NELL2: variants seen among roughly 807,000 people sequenced by gnomAD.
The protein encoded by NELL2 is neural EGFL like 2.
A neutral mutation model predicts 109.6 loss-of-function variants in NELL2; 41 were observed. That is an observed-to-expected ratio of 0.37 (90% CI 0.29 to 0.49). The LOEUF is 0.49. Ranked by LOEUF, NELL2 falls within the 20% of genes least tolerant of loss-of-function variation. The pLI is 0.98. For synonymous variants in NELL2, 355 were observed against 344.7 expected, an observed-to-expected ratio of 1.03 and a Z score of -0.33; for missense variants, 900 against 1,008.3, an observed-to-expected ratio of 0.89 and a Z score of 1.45.
chr12:44,776,225 T>G, intron 7 of NELL2, 75 bp from the exon 8 acceptor site: 1 of 1,500,014 alleles, frequency 6.7e-7, no homozygotes, highest in East Asian at 2.4e-5. Flanking sequence ...TCCGCAGGTA[T>G]CTTTTTTTTA....
intron 13 of NELL2, among the ~76,000 whole-genome samples, chr12:44,648,465 T>A (rs1218104235): frequency 6.6e-6 from 1 of 151,916 alleles, no homozygotes; most frequent in African/African-American, 2.4e-5. Flanking sequence ...TAAAAAGACA[T>A]GAAACTAGAA....
chr12:44,701,107 TA>T (rs1175408893), intron 12 of NELL2, among the ~76,000 whole-genome samples: 1 of 152,124 alleles, frequency 6.6e-6, no homozygotes, highest in African/African-American at 2.4e-5. Flanking sequence ...TAAAAATGTT[TA>T]AAAAGGTGTT....
chr12:44,690,416 A>C lies in NELL2; in HGVS notation c.1318+13310T>G, dbSNP rs527288166. On this transcript the variant is annotated intron_variant, in intron 12 of 19. Coordinates refer to ENST00000429094, the MANE Select transcript of NELL2 (RefSeq NM_001145108.2). ...GAAATCACCTGGAGATCTTGTTAAC[A>C]TGCAGGTTCTGATTCAGAAGGACTG... 2.0e-5 allele frequency among the ~76,000 whole-genome samples: 3 copies of C among 152,294 alleles called. No individual in the cohort carries two copies. In the South Asian group the frequency reaches 6.2e-4, roughly 32 times the overall value.
chr12:44,582,013 AT>A (rs931980756), intron 15 of NELL2, among the ~76,000 whole-genome samples: 1 of 152,222 alleles, frequency 6.6e-6, no homozygotes, highest in African/African-American at 2.4e-5. Flanking sequence ...TTACAATTGT[AT>A]TCTTTAACTT....
intron 13 of NELL2, among the ~76,000 whole-genome samples, chr12:44,652,891 C>T (rs958784133): frequency 2.0e-5 from 3 of 152,148 alleles, no homozygotes; most frequent in African/African-American, 7.2e-5. Context: ...GCTCATGACT[C>T]CTTATCTATT....
intron 2 of NELL2, among the ~76,000 whole-genome samples, chr12:44,869,559 AG>A (rs914465611): frequency 2.0e-5 from 3 of 152,150 alleles, no homozygotes; most frequent in African/African-American, 7.2e-5. Context: ...AGAACCTTGT[AG>A]ATCTCCCATG....
rs917638996 is a variant in NELL2, at chr12:44,738,213, A to T, written c.995-23472T>A. Among the ~76,000 whole-genome samples the T allele has an allele frequency of 2.0e-5, 3 of 152,288 alleles. No homozygotes were observed. In the East Asian group the frequency reaches 5.8e-4, roughly 29 times the overall value. On this transcript the variant is annotated intron_variant, in intron 9 of 19. Transcript: ENST00000429094. ...AACTATATTATTGTGTTCATATCTC[A>T]AACAAGTAACCAAGTGCCTCAATCA... is the stretch of plus-strand genomic sequence containing the variant.
intron 9 of NELL2, among the ~76,000 whole-genome samples, chr12:44,751,778 T>G (rs1940663276): frequency 6.6e-6 from 1 of 152,188 alleles, no homozygotes; most frequent in Non-Finnish European, 1.5e-5. Flanking sequence ...TTAAAATATG[T>G]AAACTGATAA....
At chr12:44,597,778 G>T (rs1344978127) in intron 15 of NELL2, among the ~76,000 whole-genome samples, 1 of 152,262 alleles carries the variant, frequency 6.6e-6, no homozygotes, top group Non-Finnish European at 1.5e-5. Flanking sequence ...GAGGAAAAAG[G>T]TAAGGGAGGA....
intron 9 of NELL2, among the ~76,000 whole-genome samples, chr12:44,746,383 C>T (rs1940354083): frequency 6.6e-6 from 1 of 152,084 alleles, no homozygotes; most frequent in Admixed American, 6.5e-5. Flanking sequence ...AGGACATAGG[C>T]ATGGGCAAGT....
chr12:44,736,790 T>C (rs1396662897), intron 9 of NELL2, among the ~76,000 whole-genome samples: 3 of 152,124 alleles, frequency 2.0e-5, no homozygotes, highest in Non-Finnish European at 4.4e-5. Context: ...TCAGTAAAGG[T>C]CTGACCTACA....
intron 9 of NELL2, among the ~76,000 whole-genome samples, chr12:44,736,105 G>A (rs555109123): frequency 4.4e-4 from 67 of 150,680 alleles, no homozygotes; most frequent in Non-Finnish European, 3.8e-4. Flanking sequence ...CCGCCTCCCG[G>A]GTTCACGCCA....
intron 3 of NELL2, among the ~76,000 whole-genome samples, chr12:44,788,576 C>T (rs1481759139): frequency 1.3e-5 from 2 of 152,146 alleles, no homozygotes; most frequent in Non-Finnish European, 2.9e-5. Flanking sequence ...GGAGGGTGCC[C>T]AGAGGCATGG....
At chr12:44,680,180 C>A (rs986865131) in intron 12 of NELL2, among the ~76,000 whole-genome samples, 9 of 152,086 alleles carry the variant, frequency 5.9e-5, no homozygotes, top group African/African-American at 2.2e-4. Context: ...GCTCGATTAA[C>A]CTGAACATTA....
At position 44,779,930 on chromosome 12, in the gene NELL2, T is replaced by C; in HGVS notation, c.428A>G (p.Tyr143Cys). 6.2e-7 allele frequency: 1 copy of C among 1,613,912 alleles called. No individual in the cohort carries two copies. The highest frequency in any genetic ancestry group is 8.5e-7 in the Non-Finnish European group (1 of 1,179,826). Residue 143 changes from tyrosine to cysteine, a missense_variant, in exon 4 of 20, where the codon TAC becomes TGC. Tyr to Cys is a radical substitution (Grantham distance 194). Transcript: ENST00000429094. ...GTGCCACTTGTCATCAGCCAAAATG[T>C]AAGGAAACACTTCTGTGTGAGGGCG... ...SHRPHTEVFPYILADDKWHKL... is the reference protein window; with the variant it reads ...SHRPHTEVFPCILADDKWHKL...
intron 12 of NELL2, among the ~76,000 whole-genome samples, chr12:44,694,992 A>G (rs1462911802): frequency 6.6e-6 from 1 of 151,996 alleles, no homozygotes; most frequent in Non-Finnish European, 1.5e-5. Flanking sequence ...AAGCAGCTGA[A>G]AAAAAGAGAA....
intron 2 of NELL2, among the ~76,000 whole-genome samples, chr12:44,828,583 T>A (rs1387269182): frequency 6.6e-6 from 1 of 152,152 alleles, no homozygotes; most frequent in African/African-American, 2.4e-5. Context: ...AAATCAGAAG[T>A]ATAAGCATTA....
intron 3 of NELL2, among the ~76,000 whole-genome samples, chr12:44,782,328 G>GA (rs199617659): frequency 0.019 from 2,831 of 150,706 alleles, 89 homozygotes; most frequent in African/African-American, 0.062. Flanking sequence ...CCCATGGTAA[G>GA]AAAAAAAACA....
At chr12:44,528,599 GC>G (rs1159385975) in intron 16 of NELL2, among the ~76,000 whole-genome samples, 4 of 152,168 alleles carry the variant, frequency 2.6e-5, no homozygotes, top group Admixed American at 2.6e-4. Flanking sequence ...TCTACTATGT[GC>G]CAGACACTGC....
Sources: allele counts gnomAD v4.1 joint callset (sites outside exome capture counted in the v4.1 genomes callset), GRCh38; gene constraint gnomAD v4.1.1; transcripts MANE v1.5; gene names NCBI Gene and HGNC (gene_info 2026-07-23, HGNC 2026-07-21).